Variants in CYP46A1 observed in about 807,000 individuals in gnomAD.
The protein encoded by CYP46A1 is cholesterol 24-hydroxylase.
A neutral mutation model predicts 63.3 loss-of-function variants in CYP46A1; 20 were observed. The ratio of observed to expected loss-of-function variants is 0.32; its 90% confidence interval spans 0.22 to 0.46. CYP46A1 has a LOEUF of 0.46. Among genes scored for constraint, CYP46A1 ranks in the 20% least tolerant of loss-of-function variants. CYP46A1 has a pLI of 1.00. For synonymous variants in CYP46A1, 268 were observed against 273.6 expected, an observed-to-expected ratio of 0.98 and a Z score of 0.20; for missense variants, 445 against 670.8, an observed-to-expected ratio of 0.66 and a Z score of 3.72.
intron 13 of CYP46A1, 149 bp from the exon 14 acceptor site, chr14:99,726,041 T>A: frequency 1.5e-6 from 1 of 678,250 alleles, no homozygotes. Flanking sequence ...CTCGGCAGAG[T>A]CAGCGGTTCA....
At chr14:99,691,234 A>C in intron 2 of CYP46A1, 73 bp downstream of exon 2, 2 of 1,448,720 alleles carry the variant, frequency 1.4e-6, no homozygotes, top group South Asian at 2.3e-5. Flanking sequence ...CCAATCCAGC[A>C]CACAGACTCC....
At chr14:99,686,794 A>T (rs1326546782) in intron 1 of CYP46A1, among the ~76,000 whole-genome samples, 4 of 152,146 alleles carry the variant, frequency 2.6e-5, no homozygotes, top group Non-Finnish European at 5.9e-5. Context: ...TATAATCATG[A>T]TTGGGCTATT....
At chr14:99,707,865 TTAAAG>T (rs2056693242) in intron 7 of CYP46A1, 187 bp downstream of exon 7, 1 of 583,174 alleles carries the variant, frequency 1.7e-6, no homozygotes, top group Non-Finnish European at 3.0e-6. Flanking sequence ...TCAAATTGCC[TTAAAG>T]TAAATTAGGA....
In CYP46A1 at chr14:99,722,644, CGTGTGTGTGTGTGTGTGT is replaced by C. The variant is rs10600179; in HGVS notation, c.1176+596_1176+613del. On this transcript the variant is annotated intron_variant, in intron 12 of 14. Transcript: ENST00000261835. The surrounding 1 kb of genome is among the most constrained non-coding windows in gnomAD (Gnocchi z 4.6). ...ATCTGAATTGTGTGTTTGCCATTCC[CGTGTGTGTGTGTGTGTGT>C]GTGTGTGTGTGTGTGTGCCTGTGTG... Among the ~76,000 whole-genome samples the C allele has an allele frequency of 2.1e-5, 3 of 142,160 alleles. No individual in the cohort carries two copies. The highest frequency in any genetic ancestry group is 4.6e-5 in the Non-Finnish European group (3 of 65,372). The allele number at this position is 142,160 out of a possible 152,430, so 93.3% of individuals were successfully genotyped here.
At chr14:99,707,178 TG>T (rs1207280432) in intron 6 of CYP46A1, among the ~76,000 whole-genome samples, 2 of 152,166 alleles carry the variant, frequency 1.3e-5, no homozygotes, top group African/African-American at 2.4e-5. Context: ...CCACTTTATG[TG>T]GGGGCGGGGC....
chr14:99,721,257 T>A lies in CYP46A1; in HGVS notation c.999T>A (p.Asp333Glu). 1 of 1,612,714 alleles carries A rather than the reference T, an allele frequency of 6.2e-7. No individual in the cohort carries two copies. The highest frequency in any genetic ancestry group is 8.5e-7 in the Non-Finnish European group (1 of 1,178,734). The change falls in exon 11 of 15, where the codon GAT becomes GAA. Residue 333 changes from aspartate (D) to glutamate (E), a missense_variant. Physicochemically the swap from Asp to Glu is conservative, Grantham distance 45. Around this residue, in one of 4 missense-constraint regions of CYP46A1, gnomAD observed 95 missense variants for 156.9 expected, o/e 0.61. Coordinates refer to ENST00000261835, the MANE Select transcript of CYP46A1 (RefSeq NM_006668.2). ...CCCACAGGCTGCAGGCCGAGGTGGATGAGGTCATTGGTTCTAAGAGGTACC... is the reference window on the plus strand; with the variant it reads ...CCCACAGGCTGCAGGCCGAGGTGGAAGAGGTCATTGGTTCTAAGAGGTACC... ...EIVARLQAEV[D>E]EVIGSKRYLD...
rs2056895543 is a variant in CYP46A1 at position 99,726,228 on chromosome 14, G to A, written c.1304G>A (p.Arg435His). Reference protein sequence around the residue: ...FTYFPFSLGHRSCIGQQFAQM... With the variant: ...FTYFPFSLGHHSCIGQQFAQM... Reference sequence around the variant, plus strand: ...TACTTCCCCTTCTCCCTGGGCCACCGCTCCTGCATCGGGCAGCAGTTTGCT... The same window carrying A: ...TACTTCCCCTTCTCCCTGGGCCACCACTCCTGCATCGGGCAGCAGTTTGCT... The change falls in exon 14 of 15, where the codon CGC becomes CAC. Residue 435 changes from arginine to histidine, a missense_variant. Around this residue, in one of 4 missense-constraint regions of CYP46A1, gnomAD observed 95 missense variants for 156.9 expected, o/e 0.61. Coordinates refer to ENST00000261835, the MANE Select transcript of CYP46A1 (RefSeq NM_006668.2). The A allele has an allele frequency of 1.2e-6, 2 of 1,613,438 alleles. No homozygotes were observed. Among genetic ancestry groups the A allele is most frequent in the Non-Finnish European group, 1.7e-6 (2 of 1,179,846 alleles).
intron 5 of CYP46A1, among the ~76,000 whole-genome samples, chr14:99,702,368 G>A (rs1258102597): frequency 2.6e-5 from 4 of 151,954 alleles, no homozygotes; most frequent in African/African-American, 9.7e-5. Flanking sequence ...ATGGACTTTT[G>A]GGCTGTTTCC....
At chr14:99,726,402 CTG>C (rs2056898359) in intron 14 of CYP46A1, 146 bp downstream of exon 14, 1 of 1,159,634 alleles carries the variant, frequency 8.6e-7, no homozygotes. Flanking sequence ...AGAGGACTGG[CTG>C]TGTTTTGCAC....
intron 5 of CYP46A1, among the ~76,000 whole-genome samples, chr14:99,700,473 T>C (rs2056622279): frequency 6.6e-6 from 1 of 152,236 alleles, no homozygotes; most frequent in Non-Finnish European, 1.5e-5. Context: ...AGTTGTGCTT[T>C]GTATAACGAT....
chr14:99,704,086 C>T (rs2056654665), intron 5 of CYP46A1, among the ~76,000 whole-genome samples: 1 of 152,138 alleles, frequency 6.6e-6, no homozygotes, highest in Non-Finnish European at 1.5e-5. Flanking sequence ...GCACATAGAA[C>T]CTCATGTTTG....
chr14:99,725,499 G>A lies in CYP46A1; in HGVS notation c.1265+20G>A. 1 of 1,589,130 alleles carries A rather than the reference G, an allele frequency of 6.3e-7. No homozygotes were observed. The highest frequency in any genetic ancestry group is 8.6e-7 in the Non-Finnish European group (1 of 1,157,284). On this transcript the variant is annotated intron_variant, in intron 13 of 14. Coordinates refer to ENST00000261835, the MANE Select transcript of CYP46A1 (RefSeq NM_006668.2). The surrounding 1 kb of genome is among the most constrained non-coding windows in gnomAD (Gnocchi z 4.2). ...ACCCAAGTAAGTCCCTCCTGGAGCT[G>A]CCCATGAGTGGGGCTGGCGGGAGAA... is the stretch of plus-strand genomic sequence containing the variant.
intron 3 of CYP46A1, among the ~76,000 whole-genome samples, chr14:99,694,188 G>T (rs945604950): frequency 6.6e-6 from 1 of 151,978 alleles, no homozygotes; most frequent in Non-Finnish European, 1.5e-5. Flanking sequence ...ATGGCATTCA[G>T]ATTTTCTGTT....
In CYP46A1 at chr14:99,715,888, G is replaced by A. The variant is rs866484747; in HGVS notation, c.772G>A (p.Val258Ile). Residue 258 changes from valine (V) to isoleucine (I), a missense_variant, in exon 8 of 15, where the codon GTC becomes ATC. Coordinates refer to ENST00000261835, the MANE Select transcript of CYP46A1 (RefSeq NM_006668.2). Reference protein sequence around the residue: ...RFLRQVGRDWVQRRREALKRG... With the variant: ...RFLRQVGRDWIQRRREALKRG... ...CCTGCGCCAGGTGGGCAGGGACTGGGTCCAGCGCCGCCGGGAAGCCCTGAA... is the reference window on the plus strand; with the variant it reads ...CCTGCGCCAGGTGGGCAGGGACTGGATCCAGCGCCGCCGGGAAGCCCTGAA... 2 of 1,613,922 alleles carry A rather than the reference G, an allele frequency of 1.2e-6. No individual in the cohort carries two copies. Among genetic ancestry groups the A allele is most frequent in the African/African-American group, 2.7e-5 (2 of 75,024 alleles).
At chr14:99,723,870 G>T (rs1393693000) in intron 12 of CYP46A1, among the ~76,000 whole-genome samples, 1 of 152,186 alleles carries the variant, frequency 6.6e-6, no homozygotes, top group African/African-American at 2.4e-5. Flanking sequence ...GTAGTTTCAA[G>T]GTAGGGACCT....
chr14:99,715,974 C>G lies in CYP46A1; in HGVS notation c.844+14C>G, dbSNP rs1473116949. 1.3e-6 allele frequency: 2 copies of G among 1,563,200 alleles called. No homozygotes were observed. The highest frequency in any genetic ancestry group is 3.4e-5 in the Admixed American group (2 of 58,250). ...AGATTCTGAAAGGTGCAAGGGCCCCCTCTGCGGACTGGGGAGGGCGGGGTG... is the reference window on the plus strand; with the variant it reads ...AGATTCTGAAAGGTGCAAGGGCCCCGTCTGCGGACTGGGGAGGGCGGGGTG... On this transcript the variant is annotated intron_variant, in intron 8 of 14. Transcript: ENST00000261835.
Position 99,684,520 on chromosome 14 carries a change from G to C in CYP46A1, c.103G>C (p.Gly35Arg). 6.8e-7 allele frequency: 1 copy of C among 1,473,276 alleles called. No individual in the cohort carries two copies. Among genetic ancestry groups the C allele is most frequent in the Non-Finnish European group, 9.0e-7 (1 of 1,117,060 alleles). The allele number at this position is 1,473,276 out of a possible 1,614,324, so 91.3% of individuals were successfully genotyped here. Residue 35 changes from glycine to arginine, a missense_variant, in exon 1 of 15, where the codon GGG (glycine) becomes CGG (arginine). Physicochemically the swap from Gly to Arg is moderately radical, Grantham distance 125. Transcript: ENST00000261835. ...TCGCAGCCGCTACGAGCACATCCCC[G>C]GGCCGCCGCGGCCCAGGTGAGCGGG... ...RARSRYEHIP[G>R]PPRPSFLLGH...
At chr14:99,688,560 C>G (rs1410380280) in intron 1 of CYP46A1, among the ~76,000 whole-genome samples, 1 of 152,172 alleles carries the variant, frequency 6.6e-6, no homozygotes, top group East Asian at 1.9e-4. Flanking sequence ...CTCAGCAACC[C>G]TGTCCTAGGA....
intron 9 of CYP46A1, 31 bp from the exon 10 acceptor site, chr14:99,718,023 G>T (rs747026841): frequency 6.3e-7 from 1 of 1,587,030 alleles, no homozygotes; most frequent in South Asian, 1.1e-5. Flanking sequence ...GTGGCCCCAT[G>T]TGGAGCAACC....
Sources: allele counts gnomAD v4.1 joint callset (sites outside exome capture counted in the v4.1 genomes callset), GRCh38; gene constraint gnomAD v4.1.1; regional missense constraint gnomAD v4.1.1; non-coding constraint Gnocchi (gnomAD v3.1); transcripts MANE v1.5; gene names NCBI Gene and HGNC (gene_info 2026-07-23, HGNC 2026-07-21).